FAM178B: variants seen among roughly 807,000 people sequenced by gnomAD.
The protein encoded by FAM178B is family with sequence similarity 178 member B, also known as protein FAM178B.
A neutral mutation model predicts 91.7 loss-of-function variants in FAM178B; 82 were observed. The observed-to-expected ratio is 0.89, with a 90% CI of 0.75 to 1.07. The LOEUF (loss-of-function observed/expected upper bound fraction) is 1.07, where lower values mean the gene tolerates loss of function less well. FAM178B is among the 50% of genes least tolerant of loss of function. The pLI, the probability that FAM178B is intolerant of heterozygous loss-of-function variation, is 0.00. For synonymous variants in FAM178B, 368 were observed against 359.4 expected (o/e 1.02, Z -0.27); for missense variants, 769 against 846.7 (o/e 0.91, Z 1.14).
At position 96,951,471 on chromosome 2, in the gene FAM178B, G is replaced by A. The variant is rs563715003; in HGVS notation, c.901C>T (p.Gln301Ter). ...CCACTGCGCAGGAAGGAGAGCTGTT[G>A]GGCTGGCGGGGAGCTGGGAGGCAGA... is the stretch of plus-strand genomic sequence containing the variant. ...EGLFLSSPPA[Q>*]QLSFLRSGLL... The change falls in exon 7 of 17, where the codon CAA becomes TAA. Residue 301 changes from glutamine to a stop codon, truncating the protein, a stop_gained. Coordinates refer to ENST00000490605, the MANE Select transcript of FAM178B (RefSeq NM_001122646.3). LOFTEE classifies it high-confidence loss of function. The A allele has an allele frequency of 3.5e-5, 55 of 1,551,440 alleles. No homozygotes were observed. The highest frequency in any genetic ancestry group is 4.6e-5 in the Non-Finnish European group (53 of 1,146,902).
rs2081997320 is a variant in FAM178B, at chr2:96,956,186, A to G, written c.887+4102T>C. ...TGGGCTTTGGTCCTGACACTTTTCC[A>G]TGCAGGAGCATTGGATTTCCTTTTG... On this transcript the variant is annotated intron_variant, in intron 6 of 16. Transcript: ENST00000490605. 2.0e-5 allele frequency among the ~76,000 whole-genome samples: 3 copies of G among 152,166 alleles called. No individual in the cohort carries two copies. In the South Asian group the frequency reaches 6.2e-4, roughly 32 times the overall value.
intron 6 of FAM178B, 70 bp from the exon 7 acceptor site, chr2:96,951,554 A>T: frequency 8.7e-7 from 1 of 1,153,322 alleles, no homozygotes; most frequent in East Asian, 2.6e-5. Flanking sequence ...ACACCGCGGG[A>T]GGCTGTCACT....
intron 13 of FAM178B, among the ~76,000 whole-genome samples, chr2:96,901,382 C>T (rs903145228): frequency 6.6e-5 from 10 of 151,760 alleles, no homozygotes; most frequent in Admixed American, 3.3e-4. Flanking sequence ...CCATGTTGGT[C>T]GGGCTGGTCT....
chr2:96,949,213 A>G (rs959474024), intron 7 of FAM178B, among the ~76,000 whole-genome samples: 1 of 152,144 alleles, frequency 6.6e-6, no homozygotes, highest in African/African-American at 2.4e-5. Context: ...TCCCTGAGAG[A>G]GAACTCAGGC....
At chr2:96,884,709 C>G (rs1379865779) in intron 14 of FAM178B, among the ~76,000 whole-genome samples, 1 of 152,226 alleles carries the variant, frequency 6.6e-6, no homozygotes, top group Non-Finnish European at 1.5e-5. Flanking sequence ...GTCTTCCCTG[C>G]CCCATGAGCA....
At chr2:96,906,583 G>A (rs951858696) in intron 12 of FAM178B, among the ~76,000 whole-genome samples, 1 of 152,088 alleles carries the variant, frequency 6.6e-6, no homozygotes, top group Non-Finnish European at 1.5e-5. Context: ...CCCACACTGA[G>A]CACTGAGGAA....
chr2:96,880,920 C>A (rs916002788), intron 14 of FAM178B, among the ~76,000 whole-genome samples: 13 of 152,102 alleles, frequency 8.5e-5, no homozygotes, highest in African/African-American at 3.1e-4. Flanking sequence ...AAGATACTGC[C>A]AACGGTAATT....
chr2:96,970,766 C>T lies in FAM178B; in HGVS notation c.576G>A (p.Gly192=). ...GGTTGTTGAAGTAGCTTCCTGAGCC[C>T]CCCCAGGAAAACTGGAGAAACAGGA... is the stretch of plus-strand genomic sequence containing the variant. ...QQAAAPEFSW[G]GSGSYFNNLD... Residue 192 remains glycine (G), a synonymous_variant, in exon 4 of 17, where the codon GGG becomes GGA. Transcript: ENST00000490605. 6.4e-7 allele frequency: 1 copy of T among 1,550,946 alleles called. No homozygotes were observed. The highest frequency in any genetic ancestry group is 8.7e-7 in the Non-Finnish European group (1 of 1,146,512).
rs376807845 is a variant in FAM178B at position 96,971,152 on chromosome 2, C to T, written c.565-375G>A. Among the ~76,000 whole-genome samples, 4 of 151,796 alleles carry T rather than the reference C, an allele frequency of 2.6e-5. No individual in the cohort carries two copies. The East Asian group carries it at 7.7e-4, about 29-fold the overall frequency. ...ACACTTTTCAATCTCAATGATCTGA[C>T]ATCATTCCCTATCAAAGCCAAAGAG... is the stretch of plus-strand genomic sequence containing the variant. On this transcript the variant is annotated intron_variant, in intron 3 of 16. Transcript: ENST00000490605.
At chr2:96,967,674 T>G (rs1452089747) in intron 4 of FAM178B, 47 bp from the exon 5 acceptor site, 2 of 1,320,204 alleles carry the variant, frequency 1.5e-6, no homozygotes, top group African/African-American at 2.9e-5. Flanking sequence ...TTGTTCCCCA[T>G]CGTGCAACCC....
intron 11 of FAM178B, 27 bp downstream of exon 11, chr2:96,921,451 G>A (rs1170918964): frequency 2.4e-5 from 38 of 1,551,318 alleles, no homozygotes; most frequent in Non-Finnish European, 3.2e-5. Context: ...GAAGCTGTAT[G>A]AGGACCAGGC....
chr2:96,915,966 C>T (rs995160382), intron 12 of FAM178B, among the ~76,000 whole-genome samples: 1 of 152,072 alleles, frequency 6.6e-6, no homozygotes, highest in African/African-American at 2.4e-5. Context: ...TTCCACTCAG[C>T]GTATTTCATT....
chr2:96,956,789 C>A (rs1574300495), intron 6 of FAM178B: 2 of 152,374 alleles, frequency 1.3e-5, no homozygotes, highest in East Asian at 3.9e-4. Flanking sequence ...GAACATCCAG[C>A]ATGTTCAGGG....
chr2:96,921,025 A>G, intron 12 of FAM178B, 140 bp downstream of exon 12: 1 of 661,278 alleles, frequency 1.5e-6, no homozygotes, highest in East Asian at 2.8e-5. Flanking sequence ...TTAGTGAGTT[A>G]TATTTTTAGT....
chr2:96,934,462 A>C (rs2081592410), intron 8 of FAM178B, among the ~76,000 whole-genome samples: 1 of 152,202 alleles, frequency 6.6e-6, no homozygotes, highest in South Asian at 2.1e-4. Flanking sequence ...AAGGGAAGCC[A>C]CTGGACTTGT....
intron 1 of FAM178B, among the ~76,000 whole-genome samples, chr2:96,982,193 C>T (rs1378859908): frequency 6.6e-6 from 1 of 152,070 alleles, no homozygotes; most frequent in African/African-American, 2.4e-5. Flanking sequence ...ACATTCTTCA[C>T]TTTTTAATTG....
chr2:96,910,875 C>T (rs1413094777), intron 12 of FAM178B, among the ~76,000 whole-genome samples: 1 of 150,546 alleles, frequency 6.6e-6, no homozygotes, highest in East Asian at 2.0e-4. Context: ...TGGCTCACTA[C>T]AACAACCTCA....
intron 1 of FAM178B, among the ~76,000 whole-genome samples, chr2:96,974,547 C>T (rs974145366): frequency 5.9e-5 from 9 of 151,878 alleles, no homozygotes; most frequent in Non-Finnish European, 1.0e-4. Context: ...CAAATATAAA[C>T]GGATTAAATT....
intron 12 of FAM178B, among the ~76,000 whole-genome samples, chr2:96,918,894 C>G (rs565613384): frequency 1.3e-4 from 20 of 152,300 alleles, no homozygotes; most frequent in African/African-American, 4.8e-4. Context: ...AAACCCTGTC[C>G]TGTTCTGTTC....
Sources: gnomAD v4.1 joint callset for allele counts (sites outside exome capture counted in the v4.1 genomes callset) on GRCh38, gnomAD v4.1.1 for gene constraint, MANE v1.5 for transcripts, NCBI Gene and HGNC (gene_info 2026-07-23, HGNC 2026-07-21) for gene names.